Variants in MPP7 observed in about 807,000 individuals in gnomAD.
MPP7 encodes the protein MAGUK p55 scaffold protein 7, also known as MAGUK p55 subfamily member 7.
MPP7 carries 60 observed loss-of-function variants against 76.5 expected under a neutral mutation model. The ratio of observed to expected loss-of-function variants is 0.78; its 90% CI spans 0.64 to 0.97. The LOEUF (loss-of-function observed/expected upper bound fraction) is 0.97. Among genes scored for constraint, MPP7 ranks in the 50% least tolerant of loss-of-function variants. The pLI, the probability that MPP7 is intolerant of heterozygous loss-of-function variation, is 0.00. For missense variants in MPP7, 641 were observed against 694.0 expected (o/e 0.92, Z 0.86); for synonymous variants, 237 against 244.5 (o/e 0.97, Z 0.29).
chr10:28,181,380 G>C lies in MPP7; in HGVS notation c.156+20773C>G, dbSNP rs1007102993. Among the ~76,000 whole-genome samples, 31 of 152,094 alleles carry C rather than the reference G, an allele frequency of 2.0e-4. 1 individual carries two copies. Among genetic ancestry groups the C allele is most frequent in the Non-Finnish European group, 2.9e-5 (2 of 68,002 alleles). On this transcript the variant is annotated intron_variant, in intron 3 of 16. Transcript: ENST00000683449. ...CAATAAACTTCATTTTAAACCAGGT[G>C]GATAAAAATATCTTTCTTTATTAAC...
At chr10:28,258,194 C>T (rs1284263240) in intron 1 of MPP7, among the ~76,000 whole-genome samples, 3 of 150,636 alleles carry the variant, frequency 2.0e-5, no homozygotes. Context: ...CCTTCCACTT[C>T]GTCACACTCC....
chr10:28,265,139 C>CTGT (rs1020205230), intron 1 of MPP7, among the ~76,000 whole-genome samples: 1 of 152,156 alleles, frequency 6.6e-6, no homozygotes, highest in South Asian at 2.1e-4. Flanking sequence ...ATTGCTTTTA[C>CTGT]TGTTGTTGCT....
intron 11 of MPP7, among the ~76,000 whole-genome samples, chr10:28,103,434 A>G (rs1455306260): frequency 6.6e-6 from 1 of 152,128 alleles, no homozygotes; most frequent in Non-Finnish European, 1.5e-5. Flanking sequence ...TGCTTGTACC[A>G]CTGCTTGGAA....
chr10:28,195,277 C>G (rs1198312421), intron 3 of MPP7, among the ~76,000 whole-genome samples: 1 of 152,154 alleles, frequency 6.6e-6, no homozygotes, highest in Non-Finnish European at 1.5e-5. Flanking sequence ...AATCAGAACC[C>G]TTATACACTG....
In MPP7 at chr10:28,124,093, G is replaced by C. The variant is rs769208541; in HGVS notation, c.553C>G (p.Leu185Val). The stretch of plus-strand genomic sequence containing the variant: ...ACTGGTATCCCGTTGACTTCCCTAA[G>C]TTCATCACCAACATGAATAAGACCT... ...RSGLIHVGDE[L>V]REVNGIPVED... is the part of the protein sequence containing the mutation. The change falls in exon 8 of 17, where the codon CTT becomes GTT. Residue 185 changes from leucine (L) to valine (V), a missense_variant. Coordinates refer to ENST00000683449, the MANE Select transcript of MPP7 (RefSeq NM_001318170.2). 4.3e-6 allele frequency: 7 copies of C among 1,611,348 alleles called. No homozygotes were observed. The highest frequency in any genetic ancestry group is 4.0e-5 in the African/African-American group (3 of 74,992).
At chr10:28,216,293 G>A (rs995265327) in intron 2 of MPP7, among the ~76,000 whole-genome samples, 1 of 151,968 alleles carries the variant, frequency 6.6e-6, no homozygotes, top group Non-Finnish European at 1.5e-5. Flanking sequence ...TCCAGGCTGG[G>A]CGACACAGTG....
At chr10:28,158,659 G>A (rs1836152669) in intron 3 of MPP7, among the ~76,000 whole-genome samples, 1 of 152,130 alleles carries the variant, frequency 6.6e-6, no homozygotes. Context: ...CAGTTGCTTG[G>A]CCTACAAATG....
intron 12 of MPP7, among the ~76,000 whole-genome samples, chr10:28,071,068 A>G (rs1459776534): frequency 6.6e-6 from 1 of 152,204 alleles, no homozygotes; most frequent in Non-Finnish European, 1.5e-5. Flanking sequence ...GGGCGTAATT[A>G]GATTTCATTT....
At chr10:28,257,395 AC>A (rs1839818244) in intron 1 of MPP7, among the ~76,000 whole-genome samples, 1 of 151,910 alleles carries the variant, frequency 6.6e-6, no homozygotes, top group Non-Finnish European at 1.5e-5. Context: ...CCCAAAGAAA[AC>A]CTTCTCAGAT....
intron 11 of MPP7, among the ~76,000 whole-genome samples, chr10:28,096,784 T>C (rs1270057954): frequency 6.6e-6 from 1 of 152,150 alleles, no homozygotes; most frequent in East Asian, 1.9e-4. Flanking sequence ...ATTACTGACA[T>C]GTAATCATGA....
intron 3 of MPP7, among the ~76,000 whole-genome samples, chr10:28,160,773 A>G (rs1836232674): frequency 6.6e-6 from 1 of 152,176 alleles, no homozygotes; most frequent in Non-Finnish European, 1.5e-5. Context: ...CTGGCAATTT[A>G]CCTGAAACCA....
At chr10:28,105,152 CAAAAAAA>C (rs869250857) in intron 11 of MPP7, among the ~76,000 whole-genome samples, 13 of 29,610 alleles carry the variant, frequency 4.4e-4, no homozygotes, top group Non-Finnish European at 7.2e-4. Flanking sequence ...GACTCCATCT[CAAAAAAA>C]AAAAAAAAAA....
chr10:28,292,886 G>A (rs753873479), intron 1 of MPP7, among the ~76,000 whole-genome samples: 64 of 152,136 alleles, frequency 4.2e-4, no homozygotes, highest in Non-Finnish European at 4.3e-4. Flanking sequence ...ATATACGAGT[G>A]TGTGGATCTT....
intron 2 of MPP7, among the ~76,000 whole-genome samples, chr10:28,323,243 C>G (rs1274670918): frequency 6.6e-6 from 1 of 151,996 alleles, no homozygotes; most frequent in African/African-American, 2.4e-5. Flanking sequence ...CAAGATCAGG[C>G]CACTGCACTC....
chr10:28,267,269 T>C (rs1310510817), intron 1 of MPP7, among the ~76,000 whole-genome samples: 2 of 152,224 alleles, frequency 1.3e-5, no homozygotes, highest in Non-Finnish European at 2.9e-5. Flanking sequence ...TGCTAACCTC[T>C]GCATTAGTTG....
chr10:28,230,747 C>T (rs1482501747), intron 2 of MPP7, among the ~76,000 whole-genome samples: 5 of 152,058 alleles, frequency 3.3e-5, no homozygotes, highest in Non-Finnish European at 5.9e-5. Flanking sequence ...ACCCGGGAGG[C>T]GGAGGTTGCA....
intron 3 of MPP7, among the ~76,000 whole-genome samples, chr10:28,157,007 C>T (rs370133640): frequency 1.3e-5 from 2 of 151,930 alleles, no homozygotes; most frequent in Admixed American, 6.6e-5. Flanking sequence ...GTCAGGAGTT[C>T]GAGACCAGCC....
intron 1 of MPP7, among the ~76,000 whole-genome samples, chr10:28,242,009 A>C (rs1292911261): frequency 6.6e-6 from 1 of 152,184 alleles, no homozygotes; most frequent in African/African-American, 2.4e-5. Context: ...ACAGAAGTGC[A>C]AGTGTTTAAA....
intron 1 of MPP7, among the ~76,000 whole-genome samples, chr10:28,269,151 C>A (rs1432282219): frequency 6.6e-6 from 1 of 152,192 alleles, no homozygotes; most frequent in African/African-American, 2.4e-5. Context: ...GTCTCTAAAA[C>A]CCTGCTCATC....
Sources: gnomAD v4.1 joint callset for allele counts (sites outside exome capture counted in the v4.1 genomes callset) on GRCh38, gnomAD v4.1.1 for gene constraint, MANE v1.5 for transcripts, NCBI Gene and HGNC (gene_info 2026-07-23, HGNC 2026-07-21) for gene names.